The following CRHBP variants were observed in gnomAD, a reference collection of about 807,000 sequenced individuals.
CRHBP encodes corticotropin releasing hormone binding protein.
A neutral mutation model predicts 34.9 loss-of-function variants in CRHBP; 19 were observed. That is an observed-to-expected ratio of 0.55 (90% confidence interval 0.38 to 0.80). CRHBP has a LOEUF of 0.80. CRHBP is among the 30% of genes least tolerant of loss of function. The pLI, the probability that CRHBP is intolerant of heterozygous loss-of-function variation, is 0.00. For missense variants in CRHBP, 328 were observed against 409.2 expected, an observed-to-expected ratio of 0.80 and a Z score of 1.71; for synonymous variants, 154 against 153.4, an observed-to-expected ratio of 1.00 and a Z score of -0.03.
At chr5:76,955,038 C>T (rs988119837) in intron 3 of CRHBP, among the ~76,000 whole-genome samples, 7 of 152,058 alleles carry the variant, frequency 4.6e-5, no homozygotes, top group Admixed American at 2.6e-4. Flanking sequence ...AGACTCTGAC[C>T]CTTTGTTCAA....
chr5:76,953,776 C>T, intron 2 of CRHBP, 82 bp downstream of exon 2: 5 of 1,415,496 alleles, frequency 3.5e-6, no homozygotes, highest in Non-Finnish European at 4.8e-6. Context: ...GGCTCGCGGA[C>T]ATCTCGGGGA....
intron 6 of CRHBP, among the ~76,000 whole-genome samples, chr5:76,964,187 G>C (rs563505025): frequency 5.9e-5 from 9 of 152,220 alleles, no homozygotes; most frequent in South Asian, 2.1e-4. Flanking sequence ...TCGGGGAGGT[G>C]GGGGAGAGGA....
chr5:76,955,837 C>A lies in CRHBP; in HGVS notation c.518C>A (p.Thr173Asn). ...VHEPGNGFTL[T>N]IKTDPNLFPC... ...GAACCAGGAAATGGATTCACATTAA[C>A]CATAAAGACAGACCCCAACCTCTTT... Residue 173 changes from threonine to asparagine, a missense_variant, in exon 4 of 7, where the codon ACC (threonine) becomes AAC (asparagine). Physicochemically the swap from Thr to Asn is moderately conservative, Grantham distance 65. This residue lies in a region of CRHBP where 144 missense variants were observed against 216.7 expected (regional missense o/e 0.66). Coordinates refer to ENST00000274368, the MANE Select transcript of CRHBP (RefSeq NM_001882.4). The A allele has an allele frequency of 6.2e-7, 1 of 1,614,134 alleles. No individual in the cohort carries two copies. The highest frequency in any genetic ancestry group is 8.5e-7 in the Non-Finnish European group (1 of 1,180,000).
At chr5:76,977,526 A>T (rs574669048) in intron 3 of CRHBP, among the ~76,000 whole-genome samples, 6 of 152,118 alleles carry the variant, frequency 3.9e-5, no homozygotes, top group Non-Finnish European at 7.4e-5. Context: ...TGTTGTTACT[A>T]TTGTAATTGT....
chr5:76,973,686 AT>A (rs377614788), downstream of CRHBP, among the ~76,000 whole-genome samples: 550 of 152,330 alleles, frequency 3.6e-3, 3 homozygotes, highest in African/African-American at 0.011. Flanking sequence ...CTTTTACCAG[AT>A]GAGTTTTTCT....
chr5:76,980,746 G>A (rs567698160), intron 3 of CRHBP, among the ~76,000 whole-genome samples: 9 of 152,276 alleles, frequency 5.9e-5, no homozygotes, highest in African/African-American at 1.9e-4. Context: ...GGAAAAAGAC[G>A]GAGTTTCCCC....
At chr5:76,958,910 C>T in intron 5 of CRHBP, 21 bp downstream of exon 5, 1 of 1,611,460 alleles carries the variant, frequency 6.2e-7, no homozygotes, top group Non-Finnish European at 8.5e-7. Context: ...TACTTGTTTC[C>T]TAACCGTTTG....
chr5:76,960,435 G>A (rs1745758299), intron 5 of CRHBP, among the ~76,000 whole-genome samples: 1 of 152,166 alleles, frequency 6.6e-6, no homozygotes, highest in South Asian at 2.1e-4. Flanking sequence ...ACATTAGGGA[G>A]TTTAAGTGCA....
At chr5:76,959,114 A>G in intron 5 of CRHBP, 1 of 448,502 alleles carries the variant, frequency 2.2e-6, no homozygotes, top group Non-Finnish European at 3.9e-6. Flanking sequence ...GACTACTTGA[A>G]TACTTTCCCT....
At chr5:76,973,824 A>T (rs1268238415), downstream of CRHBP, among the ~76,000 whole-genome samples, 1 of 152,036 alleles carries the variant, frequency 6.6e-6, no homozygotes, top group East Asian at 1.9e-4. Flanking sequence ...ATTTTATTTA[A>T]GACAGAGTCT....
At chr5:76,957,455 T>C (rs1320527544) in intron 4 of CRHBP, among the ~76,000 whole-genome samples, 3 of 152,188 alleles carry the variant, frequency 2.0e-5, no homozygotes, top group African/African-American at 7.2e-5. Flanking sequence ...GGCACGATCT[T>C]GGCTCACTGC....
chr5:76,953,380 C>T lies in CRHBP; in HGVS notation c.81+165C>T, dbSNP rs1745603134. ...CCTATCCTGTTCTCCCTCCTTGCCT[C>T]TGAGCATCCCAGACTGCCTGCCTGC... On this transcript the variant is annotated intron_variant, in intron 1 of 6. Transcript: ENST00000274368. 2.4e-5 allele frequency: 20 copies of T among 825,768 alleles called. 1 individual carries two copies. The South Asian group carries it at 3.2e-4, about 13-fold the overall frequency. 51.2% of individuals were successfully genotyped at this position (825,768 alleles called of 1,614,324 possible). A position where few individuals can be genotyped will look rare whatever the true frequency, so the allele number is the denominator to read the frequency against.
intron 3 of CRHBP, among the ~76,000 whole-genome samples, chr5:76,980,742 A>T (rs1414790723): frequency 6.6e-6 from 1 of 152,246 alleles, no homozygotes; most frequent in Admixed American, 6.5e-5. Context: ...ATATGGAAAA[A>T]GACGGAGTTT....
At chr5:76,954,008 C>T (rs1309745651) in intron 2 of CRHBP, 21 bp from the exon 3 acceptor site, 5 of 1,600,504 alleles carry the variant, frequency 3.1e-6, no homozygotes, top group Middle Eastern at 1.7e-4. Context: ...GGACTTATTG[C>T]CCCATGCCCT....
intron 5 of CRHBP, chr5:76,959,120 T>C (rs1745738278): frequency 2.3e-6 from 1 of 430,586 alleles, no homozygotes; most frequent in Admixed American, 4.2e-5. Flanking sequence ...TTGAATACTT[T>C]CCCTGTGATG....
chr5:76,962,102 G>A (rs1405844126), intron 5 of CRHBP, among the ~76,000 whole-genome samples: 1 of 151,994 alleles, frequency 6.6e-6, no homozygotes, highest in East Asian at 1.9e-4. Flanking sequence ...GTGTGTGGGT[G>A]TGTGTGTGTA....
intron 5 of CRHBP, among the ~76,000 whole-genome samples, chr5:76,961,619 G>T (rs767934301): frequency 1.1e-4 from 17 of 152,172 alleles, no homozygotes; most frequent in Non-Finnish European, 1.6e-4. Context: ...GTACATAGTA[G>T]GTAGGCCCTT....
In CRHBP at chr5:76,968,730, C is replaced by G. The variant is rs1356724312; in HGVS notation, c.814C>G (p.Gln272Glu). The change falls in exon 7 of 7, where the codon CAG (glutamine) becomes GAG (glutamate). Residue 272 changes from glutamine to glutamate, a missense_variant and splice_region_variant. Around this residue, in one of 3 missense-constraint regions of CRHBP, gnomAD observed 144 missense variants for 216.7 expected, o/e 0.66. Transcript: ENST00000274368. ...TTTATCTTTTCCATCCATTATAGCCCAGATGAAAGTTGGCTGTGACAACAC... is the reference window on the plus strand; with the variant it reads ...TTTATCTTTTCCATCCATTATAGCCGAGATGAAAGTTGGCTGTGACAACAC... Reference protein sequence around the residue: ...DLCYPFHGPAQMKVGCDNTVV... With the variant: ...DLCYPFHGPAEMKVGCDNTVV... 1 of 1,610,130 alleles carries G rather than the reference C, an allele frequency of 6.2e-7. No homozygotes were observed. Among genetic ancestry groups the G allele is most frequent in the Non-Finnish European group, 8.5e-7 (1 of 1,177,604 alleles).
intron 3 of CRHBP, among the ~76,000 whole-genome samples, chr5:76,954,665 C>G (rs1169686678): frequency 1.3e-5 from 2 of 152,174 alleles, no homozygotes; most frequent in Admixed American, 6.5e-5. Flanking sequence ...AGAGCCGTTC[C>G]GAGAGCACAG....
Sources: gnomAD v4.1 joint callset for allele counts (sites outside exome capture counted in the v4.1 genomes callset) on GRCh38, gnomAD v4.1.1 for gene constraint, gnomAD v4.1.1 regional missense constraint, MANE v1.5 for transcripts, NCBI Gene and HGNC (gene_info 2026-07-23, HGNC 2026-07-21) for gene names.